Variants in SLC5A4 observed in about 807,000 individuals in gnomAD.
SLC5A4 encodes the protein probable glucose sensor protein SLC5A4.
Under a neutral mutation model 70.3 loss-of-function variants are expected in SLC5A4, and 55 were observed. The ratio of observed to expected loss-of-function variants is 0.78; its 90% CI spans 0.63 to 0.98. SLC5A4 has a LOEUF of 0.98. Among genes scored for constraint, SLC5A4 ranks in the 50% least tolerant of loss-of-function variants. SLC5A4 has a pLI of 0.00. For missense variants in SLC5A4, 735 were observed against 839.2 expected (o/e 0.88, Z 1.53); for synonymous variants, 268 against 305.7 (o/e 0.88, Z 1.29).
At chr22:32,255,787 T>C (rs1195130729), upstream of SLC5A4, among the ~76,000 whole-genome samples, 1 of 152,210 alleles carries the variant, frequency 6.6e-6, no homozygotes. Context: ...AATTATGCCT[T>C]TCGTGGATTC....
the SLC5A4 span, among the ~76,000 whole-genome samples, chr22:32,329,529 G>T: frequency 6.7e-6 from 1 of 150,244 alleles, no homozygotes; most frequent in African/African-American, 2.5e-5. Flanking sequence ...GTGTTTCTTG[G>T]GGGGGCTCTG....
the SLC5A4 span, among the ~76,000 whole-genome samples, chr22:32,328,504 C>T: frequency 2.7e-3 from 404 of 152,242 alleles, 2 homozygotes; most frequent in African/African-American, 9.2e-3. Context: ...CCATGAGCTA[C>T]CCTGCGGAGA....
At chr22:32,277,770 G>T in the SLC5A4 span, among the ~76,000 whole-genome samples, 1 of 152,104 alleles carries the variant, frequency 6.6e-6, no homozygotes, top group East Asian at 1.9e-4. Flanking sequence ...AGATGGTCTC[G>T]ATCTCCTGAC....
the SLC5A4 span, chr22:32,271,815 C>T: frequency 1.6e-6 from 1 of 607,656 alleles, no homozygotes; most frequent in South Asian, 1.5e-5. Flanking sequence ...GCCTACCTGT[C>T]CTATGATTCC....
chr22:32,305,402 G>A, the SLC5A4 span, among the ~76,000 whole-genome samples: 230 of 140,858 alleles, frequency 1.6e-3, 24 homozygotes, highest in South Asian at 0.025. Context: ...TGTGTGCCAG[G>A]AAAGATATAT....
chr22:32,348,809 T>A, the SLC5A4 span, among the ~76,000 whole-genome samples: 1 of 152,228 alleles, frequency 6.6e-6, no homozygotes, highest in African/African-American at 2.4e-5. Flanking sequence ...TGTTTTAATA[T>A]TTAATTTATG....
rs142650251 is a variant in SLC5A4, at chr22:32,232,974, T to A, written c.946A>T (p.Met316Leu). ...GGCAGCAGCTTCAGGTAAGCACACA[T>A]AATGCAAGCGGCCTTCACGTGAGAC... ...DMSHVKAACI[M>L]CAYLKLLPMF... is the part of the protein sequence containing the mutation. Residue 316 changes from methionine (M) to leucine (L), a missense_variant, in exon 9 of 15, where the codon ATG becomes TTG. By Grantham distance (15) the Met-to-Leu change is conservative (BLOSUM62 2). Transcript: ENST00000266086. The A allele has an allele frequency of 4.3e-5, 70 of 1,614,160 alleles. No individual in the cohort carries two copies. The East Asian group carries it at 5.6e-4, about 13-fold the overall frequency.
chr22:32,322,049 G>A, the SLC5A4 span, among the ~76,000 whole-genome samples: 9 of 152,246 alleles, frequency 5.9e-5, no homozygotes, highest in East Asian at 1.9e-4. Flanking sequence ...TGGAGGGTGG[G>A]AGAATGGGCA....
the SLC5A4 span, among the ~76,000 whole-genome samples, chr22:32,281,690 A>T: frequency 6.6e-6 from 1 of 151,926 alleles, no homozygotes; most frequent in Non-Finnish European, 1.5e-5. Context: ...GGGTCTCATT[A>T]TGTTGCCCAG....
chr22:32,331,390 C>T, the SLC5A4 span, among the ~76,000 whole-genome samples: 5 of 152,160 alleles, frequency 3.3e-5, no homozygotes, highest in Admixed American at 2.0e-4. Context: ...GGGAAATGGC[C>T]GTGCTCTGCA....
At chr22:32,220,003 T>C (rs909034973) in intron 14 of SLC5A4, among the ~76,000 whole-genome samples, 2 of 150,028 alleles carry the variant, frequency 1.3e-5, no homozygotes, top group Non-Finnish European at 3.0e-5. Flanking sequence ...ATAGCCATTA[T>C]ATAAATTTGA....
At chr22:32,330,951 GGTGT>G in the SLC5A4 span, among the ~76,000 whole-genome samples, 3 of 55,782 alleles carry the variant, frequency 5.4e-5, no homozygotes, top group Admixed American at 1.9e-4. Flanking sequence ...TGGAGGCTCT[GGTGT>G]GTGTGTGTTG....
the SLC5A4 span, among the ~76,000 whole-genome samples, chr22:32,330,395 TGGGGCTCTGGTGTGTTG>T: frequency 2.1e-4 from 5 of 24,232 alleles, no homozygotes; most frequent in African/African-American, 3.9e-4. Context: ...CTCTGTGTAT[TGGGGCTCTGGTGTGTTG>T]GGGGGCTCTG....
the SLC5A4 span, among the ~76,000 whole-genome samples, chr22:32,306,406 C>T: frequency 6.7e-6 from 1 of 150,090 alleles, no homozygotes; most frequent in Non-Finnish European, 1.5e-5. Flanking sequence ...GCGGAGCTTG[C>T]AGTGACCCGA....
At chr22:32,295,427 A>G in the SLC5A4 span, among the ~76,000 whole-genome samples, 1 of 111,114 alleles carries the variant, frequency 9.0e-6, no homozygotes, top group African/African-American at 3.3e-5. Flanking sequence ...GATGATGAGC[A>G]TTTTTTCATG....
the SLC5A4 span, among the ~76,000 whole-genome samples, chr22:32,260,525 A>AAC: frequency 2.0e-5 from 3 of 150,400 alleles, no homozygotes; most frequent in African/African-American, 7.4e-5. Context: ...AAAAAACAAA[A>AAC]CCAAAAACAA....
At chr22:32,249,965 ATTC>A (rs1319115256) in intron 3 of SLC5A4, among the ~76,000 whole-genome samples, 10 of 152,198 alleles carry the variant, frequency 6.6e-5, no homozygotes, top group South Asian at 2.1e-4. Context: ...GTCCAAGATA[ATTC>A]TTCTTCTTCT....
intron 5 of SLC5A4, among the ~76,000 whole-genome samples, chr22:32,242,394 A>G (rs192622147): frequency 2.6e-4 from 40 of 152,292 alleles, no homozygotes; most frequent in African/African-American, 8.4e-4. Flanking sequence ...AGGAACTCTC[A>G]CTGGCCAAAT....
the SLC5A4 span, chr22:32,269,747 C>A: frequency 1.6e-6 from 1 of 642,064 alleles, no homozygotes; most frequent in Non-Finnish European, 3.0e-6. This position sits in a 1 kb window ranked among gnomAD's most constrained non-coding sequence, Gnocchi z 4.1. Flanking sequence ...TCCCGCTGTG[C>A]ACCCAGCTGG....
Sources: allele counts gnomAD v4.1 joint callset (sites outside exome capture counted in the v4.1 genomes callset), GRCh38; gene constraint gnomAD v4.1.1; non-coding constraint Gnocchi (gnomAD v3.1); transcripts MANE v1.5; gene names NCBI Gene and HGNC (gene_info 2026-07-23, HGNC 2026-07-21).